The following ERC2 variants were observed in gnomAD, a reference collection of about 807,000 sequenced individuals.
The protein encoded by ERC2 is ERC protein 2.
Under a neutral mutation model 114.8 loss-of-function variants are expected in ERC2, and 42 were observed. That is an observed-to-expected ratio of 0.37 (90% CI 0.29 to 0.47). The LOEUF (loss-of-function observed/expected upper bound fraction) is 0.47. Ranked by LOEUF, ERC2 falls within the 20% of genes least tolerant of loss-of-function variation. The probability of loss-of-function intolerance (pLI) is 0.99; values close to 1 mark genes in which losing one functional copy is unlikely to be tolerated. For missense variants in ERC2, 939 were observed against 1,150.7 expected, an observed-to-expected ratio of 0.82 and a Z score of 2.66; for synonymous variants, 454 against 425.5, an observed-to-expected ratio of 1.07 and a Z score of -0.82.
intron 3 of ERC2, among the ~76,000 whole-genome samples, chr3:56,210,247 A>C (rs932568833): frequency 1.3e-5 from 2 of 152,104 alleles, no homozygotes; most frequent in African/African-American, 4.8e-5. Flanking sequence ...CCTTTAATAA[A>C]AATTATTATC....
At chr3:56,208,498 TTGCCC>T (rs1453961408) in intron 3 of ERC2, among the ~76,000 whole-genome samples, 1 of 152,216 alleles carries the variant, frequency 6.6e-6, no homozygotes, top group Non-Finnish European at 1.5e-5. Flanking sequence ...AAGCACTGCT[TTGCCC>T]TATCTTATTA....
chr3:55,553,283 G>A (rs1243331162), intron 17 of ERC2, among the ~76,000 whole-genome samples: 1 of 151,748 alleles, frequency 6.6e-6, no homozygotes, highest in African/African-American at 2.4e-5. Flanking sequence ...GCCTCCCAAA[G>A]TGCTGGGATT....
intron 17 of ERC2, among the ~76,000 whole-genome samples, chr3:55,578,457 T>A (rs1205447255): frequency 6.6e-6 from 1 of 152,146 alleles, no homozygotes; most frequent in African/African-American, 2.4e-5. Context: ...ACCTGTCTCC[T>A]CAGAAAGGCC....
chr3:55,738,846 T>C (rs186070396), intron 14 of ERC2, among the ~76,000 whole-genome samples: 9 of 152,274 alleles, frequency 5.9e-5, no homozygotes, highest in Non-Finnish European at 1.2e-4. Flanking sequence ...CATGCCATGG[T>C]GGTTTGCTGC....
At chr3:56,099,404 T>A (rs752899251) in intron 6 of ERC2, among the ~76,000 whole-genome samples, 1 of 152,202 alleles carries the variant, frequency 6.6e-6, no homozygotes, top group Non-Finnish European at 1.5e-5. Context: ...ATGTTTATTA[T>A]TTTTTATGGG....
chr3:55,546,928 G>A (rs767867830), intron 17 of ERC2, among the ~76,000 whole-genome samples: 7 of 152,234 alleles, frequency 4.6e-5, no homozygotes, highest in Non-Finnish European at 1.0e-4. Context: ...TTCCTCATAG[G>A]AGGCGGAGTC....
chr3:55,685,941 A>C (rs866838543), intron 16 of ERC2, among the ~76,000 whole-genome samples: 5 of 152,374 alleles, frequency 3.3e-5, no homozygotes, highest in Admixed American at 1.3e-4. Context: ...TAATTTTTAA[A>C]AGAGAAGAAA....
chr3:56,276,802 A>G (rs527791014), intron 3 of ERC2, among the ~76,000 whole-genome samples: 107 of 152,308 alleles, frequency 7.0e-4, no homozygotes, highest in Non-Finnish European at 1.1e-3. Flanking sequence ...CACATAAAAC[A>G]TATTAACACT....
At chr3:55,811,596 C>T (rs1340748639) in intron 14 of ERC2, among the ~76,000 whole-genome samples, 1 of 152,178 alleles carries the variant, frequency 6.6e-6, no homozygotes, top group Admixed American at 6.5e-5. Flanking sequence ...TTCTTGCCAC[C>T]TAGCCTTTGC....
chr3:56,296,711 T>C (rs757717092), intron 2 of ERC2, among the ~76,000 whole-genome samples: 11 of 152,174 alleles, frequency 7.2e-5, no homozygotes, highest in Non-Finnish European at 1.2e-4. Context: ...AGGGAAATTA[T>C]ACATCTACAG....
chr3:55,711,701 TG>T (rs2063787698), intron 15 of ERC2, among the ~76,000 whole-genome samples: 1 of 152,254 alleles, frequency 6.6e-6, no homozygotes, highest in Non-Finnish European at 1.5e-5. Context: ...GAATAAGTGA[TG>T]GGCATTTGGG....
At chr3:56,022,222 T>A (rs1262566819) in intron 7 of ERC2, among the ~76,000 whole-genome samples, 1 of 152,230 alleles carries the variant, frequency 6.6e-6, no homozygotes, top group Non-Finnish European at 1.5e-5. Context: ...GGCATTAATT[T>A]TGTAAAAAGA....
At chr3:56,372,631 G>A (rs544928844) in intron 2 of ERC2, among the ~76,000 whole-genome samples, 2 of 152,234 alleles carry the variant, frequency 1.3e-5, no homozygotes, top group South Asian at 4.2e-4. Context: ...AGGAGGCTGA[G>A]GTGGGAGGAT....
At chr3:55,831,921 C>T (rs570964565) in intron 14 of ERC2, among the ~76,000 whole-genome samples, 10 of 152,348 alleles carry the variant, frequency 6.6e-5, no homozygotes, top group South Asian at 6.2e-4. Context: ...GCTTTTCCAA[C>T]GGGCTTAAAA....
chr3:55,973,079 T>C (rs1237613627), intron 12 of ERC2, among the ~76,000 whole-genome samples: 1 of 152,178 alleles, frequency 6.6e-6, no homozygotes, highest in Admixed American at 6.5e-5. Context: ...TTGGATATTC[T>C]GCCCATCCTG....
intron 14 of ERC2, among the ~76,000 whole-genome samples, chr3:55,850,993 T>C (rs1272868413): frequency 1.3e-5 from 2 of 151,848 alleles, no homozygotes; most frequent in Non-Finnish European, 2.9e-5. Context: ...CAAGTCTGAT[T>C]GACAGAGCAA....
chr3:55,975,095 A>G (rs1055522280), intron 12 of ERC2, among the ~76,000 whole-genome samples: 2 of 152,150 alleles, frequency 1.3e-5, no homozygotes, highest in African/African-American at 4.8e-5. Flanking sequence ...TAATAGCTGT[A>G]TAAGAGTGGA....
At chr3:55,569,191 C>T (rs2056558968) in intron 17 of ERC2, among the ~76,000 whole-genome samples, 2 of 152,158 alleles carry the variant, frequency 1.3e-5, no homozygotes, top group Non-Finnish European at 2.9e-5. Context: ...AGAAAGAATG[C>T]TTATCTATAA....
At chr3:55,569,921 A>C (rs1309367605) in intron 17 of ERC2, among the ~76,000 whole-genome samples, 1 of 146,220 alleles carries the variant, frequency 6.8e-6, no homozygotes. Flanking sequence ...GCAGTGGTGC[A>C]ATCTCAGTTC....
Sources: allele counts gnomAD v4.1 joint callset (sites outside exome capture counted in the v4.1 genomes callset), GRCh38; gene constraint gnomAD v4.1.1; transcripts MANE v1.5; gene names NCBI Gene and HGNC (gene_info 2026-07-23, HGNC 2026-07-21).